Variants in MAGI2 observed in about 807,000 individuals in gnomAD.
The protein encoded by MAGI2 is membrane associated guanylate kinase, WW and PDZ domain containing 2, also known as membrane-associated guanylate kinase, WW and PDZ domain-containing protein 2.
Under a neutral mutation model 133.3 loss-of-function variants are expected in MAGI2, and 35 were observed. The observed-to-expected ratio is 0.26, with a 90% CI of 0.20 to 0.35. The LOEUF (loss-of-function observed/expected upper bound fraction) is 0.35. Ranked by LOEUF, MAGI2 falls within the 10% of genes least tolerant of loss-of-function variation. The probability of loss-of-function intolerance (pLI) is 1.00; values close to 1 mark genes in which losing one functional copy is unlikely to be tolerated. For missense variants in MAGI2, 1,636 were observed against 1,863.4 expected, an observed-to-expected ratio of 0.88 and a Z score of 2.25; for synonymous variants, 729 against 710.6, an observed-to-expected ratio of 1.03 and a Z score of -0.41.
chr7:79,452,791 T>G, intron 1 of MAGI2: 2 of 540,006 alleles, frequency 3.7e-6, no homozygotes, highest in South Asian at 2.7e-5. Flanking sequence ...AAGGGGAGGG[T>G]CTAACTGAGC....
chr7:79,100,088 A>G (rs1407546451), intron 1 of MAGI2, among the ~76,000 whole-genome samples: 1 of 151,020 alleles, frequency 6.6e-6, no homozygotes, highest in Non-Finnish European at 1.5e-5. Flanking sequence ...GAATGACTGC[A>G]TATTATTCCA....
intron 2 of MAGI2, among the ~76,000 whole-genome samples, chr7:78,823,580 CAAAAAAA>C (rs1166858938): frequency 1.1e-5 from 1 of 91,860 alleles, no homozygotes; most frequent in Admixed American, 1.2e-4. Context: ...GACTCCGTCT[CAAAAAAA>C]AAAAAAAAAA....
intron 13 of MAGI2, among the ~76,000 whole-genome samples, chr7:78,180,471 T>C (rs3779286): frequency 0.42 from 64,568 of 152,088 alleles, 14,460 homozygotes; most frequent in Non-Finnish European, 0.51. Flanking sequence ...CCTGGAGGAA[T>C]TAAGGGGCTT....
At chr7:78,189,717 C>G (rs1467959254) in intron 12 of MAGI2, among the ~76,000 whole-genome samples, 1 of 152,176 alleles carries the variant, frequency 6.6e-6, no homozygotes, top group Non-Finnish European at 1.5e-5. Flanking sequence ...TTTTCTTTTC[C>G]ATTCCTGGTT....
intron 6 of MAGI2, among the ~76,000 whole-genome samples, chr7:78,400,537 T>C (rs372143640): frequency 6.6e-6 from 1 of 152,216 alleles, no homozygotes; most frequent in Non-Finnish European, 1.5e-5. Context: ...CTTGTGTTTT[T>C]ATTCACACAA....
At chr7:78,274,192 A>C (rs1341887895) in intron 9 of MAGI2, among the ~76,000 whole-genome samples, 6 of 152,078 alleles carry the variant, frequency 3.9e-5, no homozygotes, top group Non-Finnish European at 8.8e-5. Context: ...AACAGTCAGG[A>C]TCCTCTGCTG....
At chr7:79,293,632 T>A (rs756788119) in intron 1 of MAGI2, among the ~76,000 whole-genome samples, 1 of 152,230 alleles carries the variant, frequency 6.6e-6, no homozygotes, top group Non-Finnish European at 1.5e-5. Flanking sequence ...TTATAAGGTA[T>A]GTACAATCAT....
At chr7:79,011,826 A>G (rs1808126657) in intron 1 of MAGI2, among the ~76,000 whole-genome samples, 1 of 150,678 alleles carries the variant, frequency 6.6e-6, no homozygotes, top group South Asian at 2.1e-4. Context: ...TTTGCATTCA[A>G]CTTTGCTCTT....
At chr7:78,454,495 G>A (rs1192055525) in intron 6 of MAGI2, among the ~76,000 whole-genome samples, 1 of 152,108 alleles carries the variant, frequency 6.6e-6, no homozygotes, top group Non-Finnish European at 1.5e-5. Flanking sequence ...CAGCCTCTTT[G>A]GAAGGCAGTT....
chr7:78,057,977 G>GTATATATATA lies in MAGI2; in HGVS notation c.3706+20960_3706+20969dup, dbSNP rs58788674. 5.1e-3 allele frequency among the ~76,000 whole-genome samples: 541 copies of GTATATATATA among 106,552 alleles called. 24 individuals carry two copies. Among genetic ancestry groups the GTATATATATA allele is most frequent in the East Asian group, 0.014 (53 of 3,806 alleles). 69.9% of individuals were successfully genotyped at this position (106,552 alleles called of 152,430 possible). A position where few individuals can be genotyped will look rare whatever the true frequency, so the allele number is the denominator to read the frequency against. On this transcript the variant is annotated intron_variant, in intron 21 of 21. Transcript: ENST00000354212. ...CCCCTCTGGCATTTTATATATATGT[G>GTATATATATA]TATATATATATATATATATATATAT...
chr7:78,524,802 T>G (rs1036421116), intron 3 of MAGI2, among the ~76,000 whole-genome samples: 3 of 152,208 alleles, frequency 2.0e-5, no homozygotes, highest in Non-Finnish European at 4.4e-5. Context: ...CTATGGAATC[T>G]CAACACATAC....
At chr7:78,144,787 C>G (rs1823123510) in intron 16 of MAGI2, among the ~76,000 whole-genome samples, 1 of 152,096 alleles carries the variant, frequency 6.6e-6, no homozygotes, top group Admixed American at 6.6e-5. Flanking sequence ...TTCTGAGATA[C>G]ACGTGCAGAA....
intron 2 of MAGI2, among the ~76,000 whole-genome samples, chr7:78,716,477 TAGTG>T (rs1819714367): frequency 6.6e-6 from 1 of 151,964 alleles, no homozygotes; most frequent in African/African-American, 2.4e-5. Context: ...TAATGGCAAT[TAGTG>T]GGTGGTGGGG....
At chr7:78,862,889 T>C (rs1393432098) in intron 2 of MAGI2, among the ~76,000 whole-genome samples, 1 of 152,232 alleles carries the variant, frequency 6.6e-6, no homozygotes, top group Non-Finnish European at 1.5e-5. Context: ...TATTTTAATA[T>C]GTTAAAGCAA....
At chr7:79,074,092 GA>G (rs980449616) in intron 1 of MAGI2, among the ~76,000 whole-genome samples, 15 of 151,648 alleles carry the variant, frequency 9.9e-5, no homozygotes, top group Non-Finnish European at 1.5e-4. Flanking sequence ...ACAAGTTTCA[GA>G]AAAAAAGGGA....
At chr7:78,886,736 C>T (rs1343205043) in intron 2 of MAGI2, among the ~76,000 whole-genome samples, 1 of 152,092 alleles carries the variant, frequency 6.6e-6, no homozygotes, top group Non-Finnish European at 1.5e-5. Flanking sequence ...TCCTGACTTC[C>T]ACTTTCTCAT....
At chr7:78,590,371 G>T (rs900995631) in intron 3 of MAGI2, among the ~76,000 whole-genome samples, 1 of 152,176 alleles carries the variant, frequency 6.6e-6, no homozygotes, top group African/African-American at 2.4e-5. Flanking sequence ...CATCAAGGAT[G>T]ACTGGCATAA....
At chr7:78,380,288 A>G (rs1020200067) in intron 6 of MAGI2, among the ~76,000 whole-genome samples, 2 of 152,136 alleles carry the variant, frequency 1.3e-5, no homozygotes, top group Non-Finnish European at 2.9e-5. Flanking sequence ...ATAACAAAGC[A>G]AGAAGTACCA....
intron 1 of MAGI2, among the ~76,000 whole-genome samples, chr7:79,299,423 A>G (rs966746024): frequency 3.3e-5 from 5 of 151,728 alleles, no homozygotes; most frequent in African/African-American, 1.2e-4. Flanking sequence ...TTGAAGAGGC[A>G]TAAGCCATGT....
Sources: gnomAD v4.1 joint callset for allele counts (sites outside exome capture counted in the v4.1 genomes callset) on GRCh38, gnomAD v4.1.1 for gene constraint, MANE v1.5 for transcripts, NCBI Gene and HGNC (gene_info 2026-07-23, HGNC 2026-07-21) for gene names.